Variants in PLA2G4A observed in about 807,000 individuals in gnomAD.
PLA2G4A encodes the protein cytosolic phospholipase A2.
In PLA2G4A, 40 loss-of-function variants were observed where a neutral mutation model predicts 81.9. That is an observed-to-expected ratio of 0.49 (90% CI 0.38 to 0.64). The LOEUF (loss-of-function observed/expected upper bound fraction) is 0.64. Among genes scored for constraint, PLA2G4A ranks in the 30% least tolerant of loss-of-function variants. The pLI is 0.00. For synonymous variants in PLA2G4A, 302 were observed against 296.9 expected (o/e 1.02, Z -0.18); for missense variants, 715 against 905.1 (o/e 0.79, Z 2.69).
intron 2 of PLA2G4A, among the ~76,000 whole-genome samples, chr1:186,870,010 A>G (rs761749964): frequency 6.6e-6 from 1 of 152,196 alleles, no homozygotes; most frequent in Non-Finnish European, 1.5e-5. Context: ...TGTACTGGAA[A>G]TGTCATGCAG....
chr1:186,843,733 G>A (rs1652069962), intron 1 of PLA2G4A, among the ~76,000 whole-genome samples: 1 of 152,202 alleles, frequency 6.6e-6, no homozygotes, highest in African/African-American at 2.4e-5. Context: ...GCCTGAGGAG[G>A]ATGGAGTATC....
At chr1:186,876,394 G>A (rs1281946394) in intron 3 of PLA2G4A, among the ~76,000 whole-genome samples, 1 of 151,814 alleles carries the variant, frequency 6.6e-6, no homozygotes, top group Non-Finnish European at 1.5e-5. Flanking sequence ...TCTTGCTTAG[G>A]GCCATGAAAT....
chr1:186,972,893 C>T (rs1657404215), intron 15 of PLA2G4A, among the ~76,000 whole-genome samples: 1 of 152,098 alleles, frequency 6.6e-6, no homozygotes, highest in Non-Finnish European at 1.5e-5. Context: ...CTGTATTTTT[C>T]CACAATCACC....
chr1:186,855,756 G>C (rs1316974421), intron 2 of PLA2G4A, among the ~76,000 whole-genome samples: 2 of 151,982 alleles, frequency 1.3e-5, no homozygotes, highest in African/African-American at 4.8e-5. Flanking sequence ...TTAATCTACT[G>C]ATAACCATCA....
At chr1:186,845,179 C>A (rs1230881983) in intron 1 of PLA2G4A, among the ~76,000 whole-genome samples, 1 of 152,054 alleles carries the variant, frequency 6.6e-6, no homozygotes, top group African/African-American at 2.4e-5. Flanking sequence ...TACACTCCAT[C>A]CTGGGTGACA....
intron 3 of PLA2G4A, among the ~76,000 whole-genome samples, chr1:186,882,611 G>C (rs960183824): frequency 2.0e-5 from 3 of 152,046 alleles, no homozygotes; most frequent in African/African-American, 4.8e-5. Flanking sequence ...GGGTTTGATG[G>C]GGGGTTGGGA....
intron 7 of PLA2G4A, among the ~76,000 whole-genome samples, chr1:186,914,237 A>T (rs1655062768): frequency 6.7e-6 from 1 of 150,020 alleles, no homozygotes; most frequent in Non-Finnish European, 1.5e-5. Context: ...CTATGCGTGC[A>T]TGCCACTACA....
intron 10 of PLA2G4A, among the ~76,000 whole-genome samples, chr1:186,946,174 G>A (rs922834178): frequency 6.6e-6 from 1 of 152,160 alleles, no homozygotes; most frequent in Non-Finnish European, 1.5e-5. Flanking sequence ...AGTTAGAATA[G>A]ACAGTTAGTG....
intron 14 of PLA2G4A, among the ~76,000 whole-genome samples, chr1:186,957,554 G>A (rs1656798079): frequency 6.6e-6 from 1 of 152,224 alleles, no homozygotes; most frequent in African/African-American, 2.4e-5. Context: ...CGAGCTGCAA[G>A]GGAATCTGGC....
chr1:186,932,454 C>T (rs564104367), intron 7 of PLA2G4A, among the ~76,000 whole-genome samples: 3 of 152,046 alleles, frequency 2.0e-5, no homozygotes, highest in Admixed American at 6.5e-5. Flanking sequence ...CGCCAGCACA[C>T]CCAGCTACTT....
chr1:186,938,982 C>T (rs777520740), intron 8 of PLA2G4A, 26 bp from the exon 9 acceptor site: 26 of 1,147,676 alleles, frequency 2.3e-5, no homozygotes, highest in Non-Finnish European at 2.4e-5. Context: ...TTTATCTTTA[C>T]TGATTGTGTT....
intron 14 of PLA2G4A, among the ~76,000 whole-genome samples, chr1:186,962,498 ATTTATT>A (rs1557893968): frequency 1.7e-5 from 2 of 117,648 alleles, no homozygotes; most frequent in African/African-American, 1.2e-4. Context: ...TTATTTATTT[ATTTATT>A]TATTTATTTA....
chr1:186,928,933 C>T (rs12726519), intron 7 of PLA2G4A, among the ~76,000 whole-genome samples: 46,445 of 152,050 alleles, frequency 0.31, 9,630 homozygotes, highest in African/African-American at 0.58. Context: ...GCAGCACTTA[C>T]TTGATTCTCT....
chr1:186,840,167 T>G (rs1651929733), intron 1 of PLA2G4A, among the ~76,000 whole-genome samples: 1 of 151,784 alleles, frequency 6.6e-6, no homozygotes, highest in African/African-American at 2.4e-5. Flanking sequence ...CTTTATAAAC[T>G]GATATTTTAT....
chr1:186,904,070 G>A (rs570444354), intron 5 of PLA2G4A, among the ~76,000 whole-genome samples: 1 of 152,160 alleles, frequency 6.6e-6, no homozygotes, highest in African/African-American at 2.4e-5. Context: ...TTGAAAGGCT[G>A]AAATGGCTTT....
intron 2 of PLA2G4A, among the ~76,000 whole-genome samples, chr1:186,865,358 A>T (rs985617829): frequency 1.1e-4 from 16 of 152,130 alleles, no homozygotes; most frequent in African/African-American, 3.9e-4. Flanking sequence ...GATAATGCTG[A>T]TCATTCTTTA....
At chr1:186,958,398 G>A (rs865851588) in intron 14 of PLA2G4A, among the ~76,000 whole-genome samples, 3 of 151,784 alleles carry the variant, frequency 2.0e-5, no homozygotes, top group African/African-American at 4.8e-5. Flanking sequence ...TATTGCCATC[G>A]CAATACCAAT....
chr1:186,968,233 A>T (rs568449735), intron 15 of PLA2G4A, among the ~76,000 whole-genome samples: 1 of 152,182 alleles, frequency 6.6e-6, no homozygotes, highest in South Asian at 2.1e-4. Context: ...TTGTACCTTT[A>T]AAAAGAATCA....
At chr1:186,879,835 TTA>T (rs72346641) in intron 3 of PLA2G4A, among the ~76,000 whole-genome samples, 24,930 of 108,116 alleles carry the variant, frequency 0.23, 2,160 homozygotes, top group Middle Eastern at 0.34. Flanking sequence ...TTTTATTTAT[TTA>T]TATATATATT....
Sources: allele counts gnomAD v4.1 joint callset (sites outside exome capture counted in the v4.1 genomes callset), GRCh38; gene constraint gnomAD v4.1.1; transcripts MANE v1.5; gene names NCBI Gene and HGNC (gene_info 2026-07-23, HGNC 2026-07-21).